MTR: variants seen among roughly 807,000 people sequenced by gnomAD.
The protein encoded by MTR is methionine synthase.
In MTR, 84 loss-of-function variants were observed where a neutral mutation model predicts 154.8. The ratio of observed to expected loss-of-function variants is 0.54; its 90% CI spans 0.45 to 0.65. MTR has a LOEUF of 0.65. Among genes scored for constraint, MTR ranks in the 30% least tolerant of loss-of-function variants. MTR has a pLI of 0.00. For missense variants in MTR, 1,275 were observed against 1,570.2 expected (o/e 0.81, Z 3.18); for synonymous variants, 554 against 553.9 (o/e 1.00, Z 0.00).
chr1:236,885,016 A>C (rs903990332), intron 25 of MTR, 105 bp from the exon 26 acceptor site: 27 of 763,352 alleles, frequency 3.5e-5, no homozygotes, highest in Non-Finnish European at 6.1e-5. Context: ...AAGGGAGAAG[A>C]AATGAAGTTA....
At chr1:236,842,297 C>CT (rs1663299376) in intron 15 of MTR, among the ~76,000 whole-genome samples, 1 of 152,186 alleles carries the variant, frequency 6.6e-6, no homozygotes, top group Non-Finnish European at 1.5e-5. Context: ...CGATGATGAG[C>CT]CATCCATTAT....
rs113721618 is a variant in MTR at position 236,871,283 on chromosome 1, C to T, written c.2406-2490C>T. On this transcript the variant is annotated intron_variant, in intron 22 of 32. Coordinates refer to ENST00000366577, the MANE Select transcript of MTR (RefSeq NM_000254.3). Reference sequence around the variant, plus strand: ...TCCCCTGGTGATTCTGATGCGAAGTCTACACAGGCTCTGGCCTTTTCCTCC... The same window carrying T: ...TCCCCTGGTGATTCTGATGCGAAGTTTACACAGGCTCTGGCCTTTTCCTCC... Among the ~76,000 whole-genome samples, 77 of 152,142 alleles carry T rather than the reference C, an allele frequency of 5.1e-4. 1 individual carries two copies. Among genetic ancestry groups the T allele is most frequent in the African/African-American group, 1.7e-3 (70 of 41,506 alleles).
At chr1:236,812,981 T>A in intron 6 of MTR, 137 bp downstream of exon 6, 1 of 749,834 alleles carries the variant, frequency 1.3e-6, no homozygotes. Context: ...TTCTTGAGTA[T>A]TTTTAACTGA....
At chr1:236,839,513 A>G (rs1171008856) in intron 15 of MTR, among the ~76,000 whole-genome samples, 1 of 152,224 alleles carries the variant, frequency 6.6e-6, no homozygotes, top group Non-Finnish European at 1.5e-5. Context: ...TAGAAGATTG[A>G]TAAATGGCAG....
chr1:236,796,802 T>TAA (rs1660416385), intron 1 of MTR, among the ~76,000 whole-genome samples: 1 of 150,876 alleles, frequency 6.6e-6, no homozygotes, highest in Non-Finnish European at 1.5e-5. Flanking sequence ...AATTAATAAA[T>TAA]GTAAACCTCC....
chr1:236,860,984 A>G, intron 19 of MTR, 141 bp from the exon 20 acceptor site: 1 of 678,710 alleles, frequency 1.5e-6, no homozygotes, highest in South Asian at 2.0e-5. Flanking sequence ...ATAGGAAGCC[A>G]GATTGAGTCC....
At chr1:236,825,532 C>G in intron 10 of MTR, 133 bp downstream of exon 10, 1 of 921,984 alleles carries the variant, frequency 1.1e-6, no homozygotes, top group Non-Finnish European at 1.8e-6. Context: ...TTAGCTATCC[C>G]AAATTAAGGT....
chr1:236,838,451 T>C lies in MTR; in HGVS notation c.1367T>C (p.Ile456Thr). ...ATCGACTCCTCCAATTTTGCTGTGA[T>C]TGAAGCTGGGTTAAAGTGCTGCCAA... is the stretch of plus-strand genomic sequence containing the variant. ...LCIDSSNFAV[I>T]EAGLKCCQGK... is the part of the protein sequence containing the mutation. Residue 456 changes from isoleucine (I) to threonine (T), a missense_variant, in exon 15 of 33, where the codon ATT becomes ACT. Physicochemically the swap from Ile to Thr is moderately conservative, Grantham distance 89 (BLOSUM62 -1). Coordinates refer to ENST00000366577, the MANE Select transcript of MTR (RefSeq NM_000254.3). 2 of 1,614,164 alleles carry C rather than the reference T, an allele frequency of 1.2e-6. No homozygotes were observed. The highest frequency in any genetic ancestry group is 1.7e-6 in the Non-Finnish European group (2 of 1,180,018).
At chr1:236,811,065 A>G (rs1572193988) in intron 5 of MTR, among the ~76,000 whole-genome samples, 1 of 152,230 alleles carries the variant, frequency 6.6e-6, no homozygotes, top group South Asian at 2.1e-4. Context: ...ATGGACTTAC[A>G]GTTCCATGTG....
chr1:236,832,216 G>A, intron 13 of MTR, 138 bp downstream of exon 13: 1 of 774,744 alleles, frequency 1.3e-6, no homozygotes, highest in Non-Finnish European at 2.2e-6. Flanking sequence ...ATGTGTGTTT[G>A]CAGCAGACTG....
rs202205764 is a variant in MTR at position 236,812,849 on chromosome 1, G to A, written c.609+5G>A. 26 of 1,612,682 alleles carry A rather than the reference G, an allele frequency of 1.6e-5. No individual in the cohort carries two copies. Among genetic ancestry groups the A allele is most frequent in the Non-Finnish European group, 1.0e-5 (12 of 1,178,724 alleles). ...TTTGATACTGCCAATGCCAAGGTGA[G>A]TTAAGGGAGAAAAAACAGACAAGGC... On this transcript the variant is annotated splice_donor_5th_base_variant and intron_variant, in intron 6 of 32. Coordinates refer to ENST00000366577, the MANE Select transcript of MTR (RefSeq NM_000254.3).
At chr1:236,880,724 G>A (rs1281393974) in intron 24 of MTR, 31 bp from the exon 25 acceptor site, 2 of 1,553,766 alleles carry the variant, frequency 1.3e-6, no homozygotes, top group African/African-American at 2.7e-5. Flanking sequence ...AGTGCTGATG[G>A]ATATATTTTC....
In MTR at chr1:236,903,932, G is replaced by A. The variant is rs557430747; in HGVS notation, c.*6288G>A. 2 of 152,190 alleles carry A rather than the reference G, an allele frequency of 1.3e-5. No individual in the cohort carries two copies. The highest frequency in any genetic ancestry group is 1.9e-4 in the East Asian group (1 of 5,188). The allele number at this position is 152,190 out of a possible 1,614,324, so 9.4% of individuals were successfully genotyped here. ...TATTTTCAATAAAATATATAAAATC[G>A]AGTTGGTATATAGTGCCAAATACCA... is the stretch of plus-strand genomic sequence containing the variant. On this transcript the variant is annotated 3_prime_UTR_variant, in exon 33 of 33. Coordinates refer to ENST00000366577, the MANE Select transcript of MTR (RefSeq NM_000254.3).
chr1:236,895,252 A>G (rs1666556268), intron 30 of MTR, 106 bp from the exon 31 acceptor site: 3 of 1,245,884 alleles, frequency 2.4e-6, no homozygotes, highest in Admixed American at 2.0e-5. Flanking sequence ...GCTGTGGTCC[A>G]GATGAGGGAG....
chr1:236,811,769 C>T (rs959466349), intron 5 of MTR: 1 of 445,352 alleles, frequency 2.2e-6, no homozygotes. Flanking sequence ...TGATGCATAG[C>T]AGGCCCTCAA....
chr1:236,857,900 G>A (rs1664294606), intron 18 of MTR, among the ~76,000 whole-genome samples: 1 of 152,210 alleles, frequency 6.6e-6, no homozygotes. Flanking sequence ...AAGGTTTGGG[G>A]GTAGAGTGCA....
chr1:236,860,395 G>A (rs1572279683), intron 19 of MTR, among the ~76,000 whole-genome samples: 1 of 135,206 alleles, frequency 7.4e-6, no homozygotes, highest in East Asian at 2.0e-4. Flanking sequence ...GAATCTCAGA[G>A]TTTTGTTTTG....
chr1:236,871,942 A>G (rs367860257), intron 22 of MTR, among the ~76,000 whole-genome samples: 4 of 152,092 alleles, frequency 2.6e-5, no homozygotes, highest in African/African-American at 9.6e-5. Context: ...CCCAGCGTTC[A>G]GCACCCATTG....
In MTR at chr1:236,866,219, CTCATT is replaced by C. The variant is rs1473323489; in HGVS notation, c.2405+2669_2405+2673del. ...GATGGCATTTTTCCAATAGCATGTG[CTCATT>C]TCACGTCTCTGTGTCACATTTTCCT... On this transcript the variant is annotated intron_variant, in intron 22 of 32. Coordinates refer to ENST00000366577, the MANE Select transcript of MTR (RefSeq NM_000254.3). Among the ~76,000 whole-genome samples, 15 of 152,238 alleles carry C rather than the reference CTCATT, an allele frequency of 9.9e-5. No individual in the cohort carries two copies. The East Asian group carries it at 2.7e-3, about 27-fold the overall frequency.
Sources: allele counts gnomAD v4.1 joint callset (sites outside exome capture counted in the v4.1 genomes callset), GRCh38; gene constraint gnomAD v4.1.1; transcripts MANE v1.5; gene names NCBI Gene and HGNC (gene_info 2026-07-23, HGNC 2026-07-21).